The following ROBO2 variants were observed in gnomAD, a reference collection of about 807,000 sequenced individuals.
ROBO2 encodes the protein roundabout guidance receptor 2.
A neutral mutation model predicts 160.8 loss-of-function variants in ROBO2; 53 were observed. The ratio of observed to expected loss-of-function variants is 0.33; its 90% CI spans 0.26 to 0.41. The LOEUF (loss-of-function observed/expected upper bound fraction) is 0.41, where lower values mean the gene tolerates loss of function less well. Among genes scored for constraint, ROBO2 ranks in the 10% least tolerant of loss-of-function variants. The pLI is 1.00. For missense variants in ROBO2, 1,577 were observed against 1,722.4 expected, an observed-to-expected ratio of 0.92 and a Z score of 1.49; for synonymous variants, 664 against 611.7, an observed-to-expected ratio of 1.09 and a Z score of -1.26.
chr3:76,834,587 G>T (rs1382148297), intron 2 of ROBO2, among the ~76,000 whole-genome samples: 1 of 152,042 alleles, frequency 6.6e-6, no homozygotes, highest in African/African-American at 2.4e-5. Context: ...GGCAAGGCTG[G>T]TCTCAAGCTA....
chr3:76,300,474 A>G (rs972118606), intron 2 of ROBO2, among the ~76,000 whole-genome samples: 16 of 152,000 alleles, frequency 1.1e-4, no homozygotes, highest in African/African-American at 3.9e-4. Flanking sequence ...AATAGTAAGT[A>G]GTTAGGAAGA....
In ROBO2 at chr3:76,908,988, G is replaced by A. The variant is rs533394457; in HGVS notation, c.110-189026G>A. ...CATGCCTGTAATTCCCGCACTTTGGGAGGCTGAGCAGGGAGAATTGCTTAA... is the reference window on the plus strand; with the variant it reads ...CATGCCTGTAATTCCCGCACTTTGGAAGGCTGAGCAGGGAGAATTGCTTAA... On this transcript the variant is annotated intron_variant, in intron 2 of 26. Transcript: ENST00000487694. Among the ~76,000 whole-genome samples, 56 of 152,260 alleles carry A rather than the reference G, an allele frequency of 3.7e-4. 1 individual carries two copies. Among genetic ancestry groups the A allele is most frequent in the African/African-American group, 1.3e-3 (56 of 41,558 alleles).
chr3:77,035,095 C>T (rs1420440558), upstream of ROBO2, among the ~76,000 whole-genome samples: 1 of 151,844 alleles, frequency 6.6e-6, no homozygotes, highest in African/African-American at 2.4e-5. Flanking sequence ...ATTTGCGAGG[C>T]TGACTATTCT....
At chr3:77,314,230 C>T (rs911204135) in intron 2 of ROBO2, among the ~76,000 whole-genome samples, 3 of 152,268 alleles carry the variant, frequency 2.0e-5, no homozygotes, top group African/African-American at 4.8e-5. Context: ...CACAAACATT[C>T]GGCAAGCACC....
chr3:77,117,421 G>C (rs1204099478), intron 2 of ROBO2, among the ~76,000 whole-genome samples: 2 of 152,036 alleles, frequency 1.3e-5, no homozygotes, highest in African/African-American at 4.8e-5. Flanking sequence ...AAATTTTTGT[G>C]TTTATTGTTA....
chr3:76,624,893 A>G (rs917655147), intron 2 of ROBO2, among the ~76,000 whole-genome samples: 1 of 150,014 alleles, frequency 6.7e-6, no homozygotes, highest in Non-Finnish European at 1.5e-5. Context: ...ATACTTGTCT[A>G]CTAGTCCAAC....
chr3:76,880,865 T>C (rs1479881106), intron 2 of ROBO2, among the ~76,000 whole-genome samples: 1 of 152,200 alleles, frequency 6.6e-6, no homozygotes, highest in Non-Finnish European at 1.5e-5. Flanking sequence ...GATACTTTAT[T>C]AACACGGACT....
chr3:76,500,879 T>C (rs1038532796), intron 2 of ROBO2, among the ~76,000 whole-genome samples: 1 of 152,134 alleles, frequency 6.6e-6, no homozygotes, highest in Non-Finnish European at 1.5e-5. Context: ...CAGTATAGCA[T>C]TCCTCAAAAG....
chr3:76,332,416 G>T (rs977950019), intron 2 of ROBO2, among the ~76,000 whole-genome samples: 6 of 151,810 alleles, frequency 4.0e-5, no homozygotes, highest in African/African-American at 1.5e-4. Context: ...AAAAATTTTT[G>T]TTATTTGACT....
chr3:76,925,279 GATAA>G (rs1174785598), intron 2 of ROBO2, among the ~76,000 whole-genome samples: 2 of 142,812 alleles, frequency 1.4e-5, no homozygotes, highest in African/African-American at 3.0e-5. Flanking sequence ...TTGTTGGATA[GATAA>G]ATAAATAAAT....
intron 2 of ROBO2, among the ~76,000 whole-genome samples, chr3:76,381,293 G>A (rs766227157): frequency 2.9e-4 from 44 of 152,156 alleles, no homozygotes; most frequent in Non-Finnish European, 3.7e-4. Context: ...TTAGGGAAAA[G>A]GCCAATTTGG....
chr3:76,377,200 G>A (rs1262405138), intron 2 of ROBO2, among the ~76,000 whole-genome samples: 1 of 152,048 alleles, frequency 6.6e-6, no homozygotes, highest in Non-Finnish European at 1.5e-5. Flanking sequence ...GAAAGAAATA[G>A]TCATAAAATA....
chr3:77,144,353 C>T (rs932326183), intron 2 of ROBO2, among the ~76,000 whole-genome samples: 8 of 152,152 alleles, frequency 5.3e-5, no homozygotes, highest in South Asian at 2.1e-4. Context: ...TGGCAGACAG[C>T]GGTCCCATAT....
intron 2 of ROBO2, among the ~76,000 whole-genome samples, chr3:75,957,507 T>C (rs1250734452): frequency 1.3e-5 from 2 of 151,372 alleles, no homozygotes; most frequent in Non-Finnish European, 3.0e-5. Flanking sequence ...TAGTTTTTAA[T>C]AGAAGGTTTT....
chr3:76,789,379 C>T (rs1011605460), intron 2 of ROBO2, among the ~76,000 whole-genome samples: 3 of 151,476 alleles, frequency 2.0e-5, no homozygotes, highest in African/African-American at 4.8e-5. Context: ...TGGCAACTCC[C>T]AATTACACTT....
chr3:76,143,897 G>A (rs1443447692), intron 2 of ROBO2, among the ~76,000 whole-genome samples: 3 of 152,030 alleles, frequency 2.0e-5, no homozygotes, highest in Non-Finnish European at 2.9e-5. Context: ...TCCACTGTAA[G>A]GTGGGAGAAC....
intron 2 of ROBO2, among the ~76,000 whole-genome samples, chr3:76,413,850 C>T (rs898945167): frequency 1.3e-5 from 2 of 152,158 alleles, no homozygotes; most frequent in African/African-American, 4.8e-5. Context: ...GGTATCTTTT[C>T]AGCAATGCCC....
At chr3:76,582,100 C>T (rs983799670) in intron 2 of ROBO2, among the ~76,000 whole-genome samples, 1 of 152,094 alleles carries the variant, frequency 6.6e-6, no homozygotes, top group South Asian at 2.1e-4. Context: ...TGCCATTGAC[C>T]TGTCCTGAGA....
chr3:77,128,787 C>T (rs2075583995), intron 2 of ROBO2, among the ~76,000 whole-genome samples: 1 of 152,166 alleles, frequency 6.6e-6, no homozygotes, highest in Non-Finnish European at 1.5e-5. Context: ...TACCGTGATA[C>T]AAATCCTTGT....
Sources: allele counts gnomAD v4.1 joint callset (sites outside exome capture counted in the v4.1 genomes callset), GRCh38; gene constraint gnomAD v4.1.1; transcripts MANE v1.5; gene names NCBI Gene and HGNC (gene_info 2026-07-23, HGNC 2026-07-21).